Variants in SSBP3 observed in about 807,000 individuals in gnomAD.
SSBP3 encodes single-stranded DNA-binding protein 3.
SSBP3 carries 5 observed loss-of-function variants against 69.6 expected under a neutral mutation model. The observed-to-expected ratio is 0.07, with a 90% CI of 0.04 to 0.15. The LOEUF is 0.15. Ranked by LOEUF, SSBP3 falls within the 10% of genes least tolerant of loss-of-function variation. The pLI, the probability that SSBP3 is intolerant of heterozygous loss-of-function variation, is 1.00. For missense variants in SSBP3, 312 were observed against 534.0 expected (o/e 0.58, Z 4.10); for synonymous variants, 196 against 193.4 (o/e 1.01, Z -0.11).
chr1:54,406,559 C>A (rs975130606), upstream of SSBP3: 1 of 151,950 alleles, frequency 6.6e-6, no homozygotes, highest in African/African-American at 2.4e-5. Context: ...CCGCTGCGGC[C>A]GCCTCCGCGG....
intron 4 of SSBP3, among the ~76,000 whole-genome samples, chr1:54,303,618 C>G (rs1052761303): frequency 3.3e-5 from 5 of 152,176 alleles, no homozygotes; most frequent in Non-Finnish European, 4.4e-5. Context: ...TAAACAGGTC[C>G]ACCATGCTAC....
intron 4 of SSBP3, among the ~76,000 whole-genome samples, chr1:54,390,032 C>T (rs1270078265): frequency 6.6e-6 from 1 of 152,006 alleles, no homozygotes; most frequent in Non-Finnish European, 1.5e-5. Context: ...TGACAATAGA[C>T]AAAACCTAAA....
At chr1:54,319,984 A>G (rs1229861228) in intron 4 of SSBP3, among the ~76,000 whole-genome samples, 1 of 152,292 alleles carries the variant, frequency 6.6e-6, no homozygotes, top group South Asian at 2.1e-4. Flanking sequence ...AGGCTCCCTC[A>G]GTGTCCAGAC....
chr1:54,239,095 G>T, intron 14 of SSBP3, 34 bp downstream of exon 14: 2 of 1,560,652 alleles, frequency 1.3e-6, no homozygotes, highest in Non-Finnish European at 1.8e-6. Context: ...TTGTTATGGT[G>T]TCTGATATGT....
intron 4 of SSBP3, among the ~76,000 whole-genome samples, chr1:54,311,927 G>A (rs1025697289): frequency 7.2e-5 from 11 of 152,276 alleles, no homozygotes; most frequent in South Asian, 4.1e-4. Flanking sequence ...CGCACTCACA[G>A]CTGGGGAGAC....
chr1:54,362,453 T>C (rs902802678), intron 4 of SSBP3, among the ~76,000 whole-genome samples: 1 of 152,236 alleles, frequency 6.6e-6, no homozygotes, highest in African/African-American at 2.4e-5. Context: ...GTGGAAAGAC[T>C]GACTTAGTGA....
chr1:54,404,181 AAG>A, intron 3 of SSBP3, among the ~76,000 whole-genome samples: 1 of 151,752 alleles, frequency 6.6e-6, no homozygotes, highest in Admixed American at 6.6e-5. Flanking sequence ...GAGAAAAAGG[AAG>A]GGACAGGCTA....
intron 4 of SSBP3, among the ~76,000 whole-genome samples, chr1:54,371,657 T>C (rs1647136728): frequency 6.6e-6 from 1 of 152,064 alleles, no homozygotes; most frequent in African/African-American, 2.4e-5. Context: ...TTAACAATCA[T>C]CAATATCGAG....
chr1:54,256,339 CTGA>C (rs1276307667), intron 7 of SSBP3, among the ~76,000 whole-genome samples: 2 of 152,148 alleles, frequency 1.3e-5, no homozygotes, highest in African/African-American at 4.8e-5. Flanking sequence ...TAAAATTTCC[CTGA>C]TGTTTCTCGA....
At chr1:54,229,605 T>C (rs577474915) in intron 14 of SSBP3, among the ~76,000 whole-genome samples, 1 of 152,216 alleles carries the variant, frequency 6.6e-6, no homozygotes. Flanking sequence ...CCCACAAGCC[T>C]ATCTGGAACT....
chr1:54,250,515 C>G (rs2100703818), intron 9 of SSBP3, among the ~76,000 whole-genome samples: 1 of 133,204 alleles, frequency 7.5e-6, no homozygotes, highest in Admixed American at 7.5e-5. Context: ...CCTCTCCCTA[C>G]AAAAGGGAGC....
chr1:54,228,679 G>C (rs1157523458), intron 15 of SSBP3, 69 bp downstream of exon 15: 15 of 1,527,428 alleles, frequency 9.8e-6, no homozygotes, highest in Non-Finnish European at 1.3e-5. Context: ...GCCCAGCTGA[G>C]CCAGGAGCTG....
At chr1:54,327,215 GAAAAGGAAGGAAGGAAGGAA>G (rs1320997653) in intron 4 of SSBP3, among the ~76,000 whole-genome samples, 1 of 96,892 alleles carries the variant, frequency 1.0e-5, no homozygotes, top group Non-Finnish European at 2.0e-5. Flanking sequence ...GAAAGAGAGG[GAAAAGGAAGGAAGGAAGGAA>G]GGAAGGAAGG....
chr1:54,264,231 G>T (rs1645063848), intron 5 of SSBP3, among the ~76,000 whole-genome samples: 1 of 152,178 alleles, frequency 6.6e-6, no homozygotes, highest in South Asian at 2.1e-4. Context: ...GAGCCAGGGA[G>T]GTGGAGGCTG....
At chr1:54,335,439 G>C (rs768963799) in intron 4 of SSBP3, among the ~76,000 whole-genome samples, 11 of 152,182 alleles carry the variant, frequency 7.2e-5, no homozygotes, top group Non-Finnish European at 1.6e-4. Context: ...CCACCTTCCA[G>C]ACTCTGGGCC....
intron 9 of SSBP3, among the ~76,000 whole-genome samples, chr1:54,251,372 C>A (rs1644825455): frequency 6.6e-6 from 1 of 152,222 alleles, no homozygotes; most frequent in Admixed American, 6.5e-5. Flanking sequence ...CTCAGCTGTC[C>A]CCTTTTTCCT....
chr1:54,355,643 T>A (rs1646851408), intron 4 of SSBP3, among the ~76,000 whole-genome samples: 1 of 152,098 alleles, frequency 6.6e-6, no homozygotes, highest in Non-Finnish European at 1.5e-5. Context: ...AGCCACCGCG[T>A]CCAGCCTCTC....
chr1:54,407,537 CATT>C (rs1398127383), upstream of SSBP3, among the ~76,000 whole-genome samples: 1 of 152,084 alleles, frequency 6.6e-6, no homozygotes, highest in Non-Finnish European at 1.5e-5. Flanking sequence ...GCGTGCCCCT[CATT>C]AGGGACTCTT....
intron 14 of SSBP3, among the ~76,000 whole-genome samples, chr1:54,229,144 G>A (rs2100551838): frequency 6.6e-6 from 1 of 152,344 alleles, no homozygotes; most frequent in African/African-American, 2.4e-5. Flanking sequence ...TCCATCCCCC[G>A]TGTGGAGAGT....
Sources: allele counts gnomAD v4.1 joint callset (sites outside exome capture counted in the v4.1 genomes callset), GRCh38; gene constraint gnomAD v4.1.1; transcripts MANE v1.5; gene names NCBI Gene and HGNC (gene_info 2026-07-23, HGNC 2026-07-21).